The following APMAP variants were observed in gnomAD, a reference collection of about 807,000 sequenced individuals.
The protein encoded by APMAP is adipocyte plasma membrane-associated protein.
A neutral mutation model predicts 43.6 loss-of-function variants in APMAP; 33 were observed. The ratio of observed to expected loss-of-function variants is 0.76; its 90% confidence interval spans 0.57 to 1.01. The LOEUF is 1.01. APMAP is among the 50% of genes least tolerant of loss of function. APMAP has a pLI of 0.00. For synonymous variants in APMAP, 224 were observed against 216.7 expected (o/e 1.03, Z -0.30); for missense variants, 498 against 540.7 (o/e 0.92, Z 0.78).
chr20:24,969,408 C>T (rs938129138), intron 7 of APMAP, 118 bp downstream of exon 7: 1 of 1,421,194 alleles, frequency 7.0e-7, no homozygotes, highest in Non-Finnish European at 9.5e-7. Flanking sequence ...CTTTAACATG[C>T]CATGCAGAAG....
intron 2 of APMAP, among the ~76,000 whole-genome samples, chr20:24,981,997 T>A (rs1329027361): frequency 6.6e-6 from 1 of 152,238 alleles, no homozygotes; most frequent in Admixed American, 6.5e-5. Flanking sequence ...CCAAGCTCTG[T>A]CATGTACCAG....
chr20:24,978,068 G>A (rs1040259960), intron 3 of APMAP, among the ~76,000 whole-genome samples: 2 of 152,204 alleles, frequency 1.3e-5, no homozygotes, highest in Non-Finnish European at 2.9e-5. Flanking sequence ...ACTGCCTGGA[G>A]AACAGTGTGC....
In APMAP at chr20:24,964,148, G is replaced by A. The variant is rs551876491; in HGVS notation, c.1042-126C>T. On this transcript the variant is annotated intron_variant, in intron 8 of 8. Transcript: ENST00000217456. Reference sequence around the variant, plus strand: ...TTCCCATGACAGGGCAGCCCCACAGGGCAGTGCCCCACAGGACAGCTAATC... The same window carrying A: ...TTCCCATGACAGGGCAGCCCCACAGAGCAGTGCCCCACAGGACAGCTAATC... 292 of 1,017,272 alleles carry A rather than the reference G, an allele frequency of 2.9e-4. 1 individual carries two copies. In the African/African-American group the frequency reaches 4.0e-3, roughly 14 times the overall value. 63.0% of individuals were successfully genotyped at this position (1,017,272 alleles called of 1,614,324 possible).
intron 2 of APMAP, among the ~76,000 whole-genome samples, chr20:24,982,569 C>A (rs1273145733): frequency 6.6e-6 from 1 of 152,250 alleles, no homozygotes; most frequent in African/African-American, 2.4e-5. Flanking sequence ...ATAAAATCAT[C>A]TTTCCTGAGA....
intron 1 of APMAP, among the ~76,000 whole-genome samples, chr20:24,989,767 G>GA (rs1026127335): frequency 2.0e-5 from 3 of 152,152 alleles, no homozygotes; most frequent in Non-Finnish European, 2.9e-5. Flanking sequence ...AAAGCCATCT[G>GA]AAAATACACA....
chr20:24,964,890 G>A (rs2087930354), intron 8 of APMAP, among the ~76,000 whole-genome samples: 1 of 152,126 alleles, frequency 6.6e-6, no homozygotes, highest in Non-Finnish European at 1.5e-5. Flanking sequence ...AGGTTCAACA[G>A]CGATAGATCA....
At chr20:24,966,316 T>C (rs895945887) in intron 8 of APMAP, among the ~76,000 whole-genome samples, 27 of 152,128 alleles carry the variant, frequency 1.8e-4, no homozygotes, top group Admixed American at 3.3e-4. Flanking sequence ...ATAATCACCA[T>C]TAAGAACATG....
intron 2 of APMAP, among the ~76,000 whole-genome samples, chr20:24,983,685 G>C (rs887642120): frequency 2.6e-5 from 4 of 152,062 alleles, no homozygotes; most frequent in African/African-American, 9.7e-5. Flanking sequence ...GGTTGATGCA[G>C]TTTTTTTAAA....
At chr20:24,986,766 T>C (rs2088151257) in intron 1 of APMAP, among the ~76,000 whole-genome samples, 1 of 152,114 alleles carries the variant, frequency 6.6e-6, no homozygotes, top group African/African-American at 2.4e-5. Flanking sequence ...CTCAAGTGGC[T>C]TTCCCACAGC....
Position 24,992,708 on chromosome 20 carries a change from C to T in APMAP, c.-20G>A, listed in dbSNP as rs766001818. On this transcript the variant is annotated 5_prime_UTR_variant, in exon 1 of 9. In the 5' UTR this introduces an upstream ATG that the reference lacks. Coordinates refer to ENST00000217456, the MANE Select transcript of APMAP (RefSeq NM_020531.3). The stretch of plus-strand genomic sequence containing the variant: ...GCTCATGGTACGGGCGCCAGCCTCA[C>T]CCGCAGAAACCACCTCACACTGAGC... The T allele has an allele frequency of 3.3e-6, 5 of 1,495,734 alleles. No individual in the cohort carries two copies. In the Admixed American group the frequency reaches 1.0e-4, roughly 31 times the overall value. 92.7% of individuals were successfully genotyped at this position (1,495,734 alleles called of 1,614,324 possible). A position where few individuals can be genotyped will look rare whatever the true frequency, so the allele number is the denominator to read the frequency against.
At chr20:24,992,487 G>C in intron 1 of APMAP, 107 bp downstream of exon 1, 1 of 899,750 alleles carries the variant, frequency 1.1e-6, no homozygotes, top group Non-Finnish European at 1.5e-6. Context: ...CAACGCGCTC[G>C]GCACCGCATC....
At chr20:24,984,920 A>C (rs1201051103) in intron 1 of APMAP, among the ~76,000 whole-genome samples, 1 of 152,218 alleles carries the variant, frequency 6.6e-6, no homozygotes. Flanking sequence ...AAACAAAATC[A>C]TGAGTTCCTA....
At chr20:24,988,886 A>T (rs1279414565) in intron 1 of APMAP, among the ~76,000 whole-genome samples, 1 of 152,236 alleles carries the variant, frequency 6.6e-6, no homozygotes, top group Non-Finnish European at 1.5e-5. Context: ...CGATGGAAAT[A>T]CAATAGCTAC....
At chr20:24,983,786 T>C (rs1254810666) in intron 2 of APMAP, 117 bp downstream of exon 2, 22 of 660,840 alleles carry the variant, frequency 3.3e-5, no homozygotes, top group Admixed American at 3.2e-4. Flanking sequence ...AAAACTCTAT[T>C]TCTCCTAACT....
In APMAP at chr20:24,972,896, A is replaced by G. The variant is rs141353237; in HGVS notation, c.421+749T>C. Among the ~76,000 whole-genome samples the G allele has an allele frequency of 3.3e-5, 5 of 152,314 alleles. No homozygotes were observed. In the East Asian group the frequency reaches 9.6e-4, roughly 29 times the overall value. Reference sequence around the variant, plus strand: ...GTGGGATGCTCACTGCAGGGTGCTTACTGCCAAAATGGCACGGAAAAAGGC... The same window carrying G: ...GTGGGATGCTCACTGCAGGGTGCTTGCTGCCAAAATGGCACGGAAAAAGGC... On this transcript the variant is annotated intron_variant, in intron 4 of 8. Coordinates refer to ENST00000217456, the MANE Select transcript of APMAP (RefSeq NM_020531.3).
At chr20:24,965,284 C>T (rs1348663928) in intron 8 of APMAP, among the ~76,000 whole-genome samples, 1 of 152,244 alleles carries the variant, frequency 6.6e-6, no homozygotes, top group Non-Finnish European at 1.5e-5. Context: ...CCTGCCCTGC[C>T]GCCTCTCCCC....
Position 24,964,232 on chromosome 20 carries a change from T to C in APMAP, c.1042-210A>G, listed in dbSNP as rs938448245. 2.2e-5 allele frequency: 15 copies of C among 683,560 alleles called. No individual in the cohort carries two copies. In the African/African-American group the frequency reaches 2.3e-4, roughly 11 times the overall value. 42.3% of individuals were successfully genotyped at this position (683,560 alleles called of 1,614,324 possible). On this transcript the variant is annotated intron_variant, in intron 8 of 8. Coordinates refer to ENST00000217456, the MANE Select transcript of APMAP (RefSeq NM_020531.3). ...AGGCCCCACCCCACCCCTGTCCCTG[T>C]GAAGATCAGGCCAAAGAGGCTCCCC...
intron 8 of APMAP, chr20:24,964,311 G>A: frequency 1.7e-6 from 1 of 598,478 alleles, no homozygotes. Context: ...TGAACTGAGA[G>A]AGACATATCA....
Position 24,968,933 on chromosome 20 carries a change from A to T in APMAP, c.1000T>A (p.Phe334Ile). 6.2e-7 allele frequency: 1 copy of T among 1,610,700 alleles called. No individual in the cohort carries two copies. Among genetic ancestry groups the T allele is most frequent in the Non-Finnish European group, 8.5e-7 (1 of 1,178,480 alleles). ...TTAATCCAGGGTCTCTCAGATAAGA[A>T]ATCCAGCATGGAAAACCCAGGGTTA... ...RPNPGFSMLD[F>I]LSERPWIKRM... is the part of the protein sequence containing the mutation. The change falls in exon 8 of 9, where the codon TTC becomes ATC. Residue 334 changes from phenylalanine to isoleucine, a missense_variant. Physicochemically the swap from Phe to Ile is conservative, Grantham distance 21. Transcript: ENST00000217456.
Sources: allele counts gnomAD v4.1 joint callset (sites outside exome capture counted in the v4.1 genomes callset), GRCh38; gene constraint gnomAD v4.1.1; transcripts MANE v1.5; gene names NCBI Gene and HGNC (gene_info 2026-07-23, HGNC 2026-07-21).